NOVA1: variants seen among roughly 807,000 people sequenced by gnomAD.
The protein encoded by NOVA1 is RNA-binding protein Nova-1.
Under a neutral mutation model 38.0 loss-of-function variants are expected in NOVA1, and 7 were observed. The observed-to-expected ratio is 0.18, with a 90% CI of 0.10 to 0.35. The LOEUF (loss-of-function observed/expected upper bound fraction) is 0.35. Ranked by LOEUF, NOVA1 falls within the 10% of genes least tolerant of loss-of-function variation. The pLI, the probability that NOVA1 is intolerant of heterozygous loss-of-function variation, is 1.00. For missense variants in NOVA1, 460 were observed against 616.0 expected (o/e 0.75, Z 2.68); for synonymous variants, 270 against 232.5 (o/e 1.16, Z -1.47).
intron 4 of NOVA1, among the ~76,000 whole-genome samples, chr14:26,457,337 G>A (rs1438410856): frequency 2.0e-5 from 3 of 152,064 alleles, no homozygotes; most frequent in Non-Finnish European, 4.4e-5. Context: ...AGGTTTTACA[G>A]TCCAGTGGTA....
At chr14:26,517,965 ACAC>A (rs975116079) in intron 2 of NOVA1, among the ~76,000 whole-genome samples, 17 of 152,252 alleles carry the variant, frequency 1.1e-4, no homozygotes, top group African/African-American at 3.8e-4. Flanking sequence ...AATTGGAAAA[ACAC>A]CAACTATTCT....
At chr14:26,550,571 T>C (rs907265985) in intron 2 of NOVA1, among the ~76,000 whole-genome samples, 3 of 152,130 alleles carry the variant, frequency 2.0e-5, no homozygotes, top group Non-Finnish European at 4.4e-5. Context: ...CAATTTATCT[T>C]TGATGGAATC....
chr14:26,486,820 C>G (rs1400881504), intron 2 of NOVA1, among the ~76,000 whole-genome samples: 1 of 134,384 alleles, frequency 7.4e-6, no homozygotes, highest in Non-Finnish European at 1.6e-5. Context: ...TTTCATTTTT[C>G]TTTATTTCCA....
At chr14:26,561,401 A>G (rs1258404010) in intron 2 of NOVA1, among the ~76,000 whole-genome samples, 2 of 152,250 alleles carry the variant, frequency 1.3e-5, no homozygotes, top group African/African-American at 2.4e-5. Flanking sequence ...TGCATGTCAT[A>G]TAAGATTTGT....
chr14:26,456,124 T>C (rs1883159270), intron 4 of NOVA1, among the ~76,000 whole-genome samples: 1 of 152,058 alleles, frequency 6.6e-6, no homozygotes, highest in Non-Finnish European at 1.5e-5. Context: ...GCAAAAAATG[T>C]ATTCAACATA....
intron 2 of NOVA1, among the ~76,000 whole-genome samples, chr14:26,500,911 T>A (rs1053043666): frequency 1.3e-5 from 2 of 151,978 alleles, no homozygotes; most frequent in Non-Finnish European, 2.9e-5. Context: ...CAAATACTTT[T>A]GAGGGAAAAA....
In NOVA1 at chr14:26,595,473, C is replaced by G. The variant is rs1182911817; in HGVS notation, c.217G>C (p.Val73Leu). 1 of 1,613,876 alleles carries G rather than the reference C, an allele frequency of 6.2e-7. No homozygotes were observed. The highest frequency in any genetic ancestry group is 1.1e-5 in the South Asian group (1 of 91,074). Residue 73 changes from valine to leucine, a missense_variant, in exon 2 of 5, where the codon GTT becomes CTT. By Grantham distance (32) the Val-to-Leu change is conservative (BLOSUM62 1). Transcript: ENST00000539517. ...GCTCCAGTTTCTTTTTGCAACTGAA[C>G]AATTGTCTGTCCTCCCTTCCCAATT... ...SIIGKGGQTI[V>L]QLQKETGATI... is the part of the protein sequence containing the mutation.
At position 26,448,500 on chromosome 14, in the gene NOVA1, T is replaced by C; in HGVS notation, c.983A>G (p.Asn328Ser). The C allele has an allele frequency of 6.2e-7, 1 of 1,614,004 alleles. No individual in the cohort carries two copies. The highest frequency in any genetic ancestry group is 2.2e-5 in the East Asian group (1 of 44,886). The change falls in exon 5 of 5, where the codon AAT (asparagine) becomes AGT (serine). Residue 328 changes from asparagine (N) to serine (S), a missense_variant. Coordinates refer to ENST00000539517, the MANE Select transcript of NOVA1 (RefSeq NM_002515.3). This position sits in a 1 kb window ranked among gnomAD's most constrained non-coding sequence, Gnocchi z 5.3. ...GAGACCTAAACCTAAAGTGTTGAGA[T>C]TATATCCATAGCTGGCTAATGTATT... ...ALNTLASYGY[N>S]LNTLGLGLSQ...
At chr14:26,545,976 A>C (rs1890765036) in intron 2 of NOVA1, among the ~76,000 whole-genome samples, 1 of 152,132 alleles carries the variant, frequency 6.6e-6, no homozygotes, top group Non-Finnish European at 1.5e-5. Context: ...ATACATTTAA[A>C]ATTTTCAATG....
intron 2 of NOVA1, chr14:26,549,688 T>C (rs192524327): frequency 7.9e-7 from 1 of 1,272,446 alleles, no homozygotes; most frequent in South Asian, 1.2e-5. Flanking sequence ...ACAGTCTATG[T>C]AGTACTCCTA....
intron 2 of NOVA1, among the ~76,000 whole-genome samples, chr14:26,541,216 T>A (rs889774938): frequency 1.1e-4 from 16 of 152,110 alleles, no homozygotes; most frequent in Non-Finnish European, 2.2e-4. Context: ...AAGTTGGAGT[T>A]GCAAAGAGAC....
At chr14:26,557,344 A>G (rs1035289536) in intron 2 of NOVA1, among the ~76,000 whole-genome samples, 1 of 152,102 alleles carries the variant, frequency 6.6e-6, no homozygotes, top group African/African-American at 2.4e-5. Flanking sequence ...CAACAGAAGG[A>G]AATTGCTGGT....
At chr14:26,523,962 G>A (rs184686392) in intron 2 of NOVA1, among the ~76,000 whole-genome samples, 37 of 151,898 alleles carry the variant, frequency 2.4e-4, no homozygotes, top group Admixed American at 5.3e-4. Flanking sequence ...CGTGTTAGCC[G>A]GGATGGCCTC....
chr14:26,511,012 A>T (rs1308092557), intron 2 of NOVA1, among the ~76,000 whole-genome samples: 2 of 152,212 alleles, frequency 1.3e-5, no homozygotes, highest in Non-Finnish European at 2.9e-5. Flanking sequence ...GTCGAAAAGT[A>T]ATTACCATAC....
At chr14:26,589,486 T>G (rs772095756) in intron 2 of NOVA1, among the ~76,000 whole-genome samples, 1 of 151,818 alleles carries the variant, frequency 6.6e-6, no homozygotes, top group African/African-American at 2.4e-5. Context: ...AAAAATATTT[T>G]TAATATGCTA....
intron 2 of NOVA1, among the ~76,000 whole-genome samples, chr14:26,500,216 A>T (rs912938411): frequency 6.6e-6 from 1 of 152,058 alleles, no homozygotes; most frequent in Non-Finnish European, 1.5e-5. Flanking sequence ...CAAGAATGTG[A>T]GCTGTTTACA....
At chr14:26,540,243 G>C (rs1890380706) in intron 2 of NOVA1, among the ~76,000 whole-genome samples, 1 of 152,154 alleles carries the variant, frequency 6.6e-6, no homozygotes, top group African/African-American at 2.4e-5. Context: ...TCTGCCTCCT[G>C]TCAGATCAAC....
chr14:26,470,538 G>T (rs766459157), intron 4 of NOVA1: 1 of 1,204,894 alleles, frequency 8.3e-7, no homozygotes, highest in Admixed American at 1.8e-5. Context: ...CAATATAACA[G>T]AGTATAGTGG....
intron 2 of NOVA1, among the ~76,000 whole-genome samples, chr14:26,526,730 G>T (rs1005850129): frequency 6.6e-6 from 1 of 152,114 alleles, no homozygotes; most frequent in African/African-American, 2.4e-5. Flanking sequence ...AAGGGGATAA[G>T]AGCTAAAAAC....
Sources: allele counts gnomAD v4.1 joint callset (sites outside exome capture counted in the v4.1 genomes callset), GRCh38; gene constraint gnomAD v4.1.1; non-coding constraint Gnocchi (gnomAD v3.1); transcripts MANE v1.5; gene names NCBI Gene and HGNC (gene_info 2026-07-23, HGNC 2026-07-21).